CLIC5: variants seen among roughly 807,000 people sequenced by gnomAD.
CLIC5 encodes the protein CLIC family member 5, also known as chloride intracellular channel protein 5.
A neutral mutation model predicts 24.7 loss-of-function variants in CLIC5; 20 were observed. The observed-to-expected ratio is 0.81, with a 90% CI of 0.57 to 1.18. The LOEUF (loss-of-function observed/expected upper bound fraction) is 1.18. Ranked by LOEUF, CLIC5 falls within the 50% of genes most tolerant of loss-of-function variation. CLIC5 has a pLI of 0.00. For missense variants in CLIC5, 341 were observed against 326.1 expected (o/e 1.05, Z -0.35); for synonymous variants, 159 against 135.6 (o/e 1.17, Z -1.20).
At chr6:46,015,970 G>A (rs1047129999), upstream of CLIC5, 11 of 909,012 alleles carry the variant, frequency 1.2e-5, no homozygotes, top group African/African-American at 1.8e-5. Flanking sequence ...GCCGGGCCAC[G>A]GCCCCCCGCC....
At chr6:46,116,616 C>T in the CLIC5 span, among the ~76,000 whole-genome samples, 6 of 152,162 alleles carry the variant, frequency 3.9e-5, no homozygotes, top group Non-Finnish European at 8.8e-5. Context: ...GAAAAATTTA[C>T]CTCAATTTGA....
upstream of CLIC5, among the ~76,000 whole-genome samples, chr6:46,084,563 G>T (rs577318468): frequency 1.4e-4 from 21 of 152,282 alleles, no homozygotes; most frequent in Middle Eastern, 3.4e-3. Flanking sequence ...GAAATTCTGG[G>T]TTGAAAATTC....
chr6:46,013,740 G>A (rs749285723), intron 1 of CLIC5, among the ~76,000 whole-genome samples: 11 of 152,180 alleles, frequency 7.2e-5, no homozygotes, highest in Non-Finnish European at 1.3e-4. Context: ...GTGGGGCAAA[G>A]GGCTCCTTTG....
chr6:45,896,626 G>A (rs1052509400), downstream of CLIC5, among the ~76,000 whole-genome samples: 3 of 152,188 alleles, frequency 2.0e-5, no homozygotes, highest in Non-Finnish European at 4.4e-5. Flanking sequence ...AAGCAGCATA[G>A]GTCACAACAA....
the CLIC5 span, among the ~76,000 whole-genome samples, chr6:46,129,162 T>C: frequency 1.3e-5 from 2 of 152,218 alleles, no homozygotes; most frequent in African/African-American, 4.8e-5. Context: ...GCCTGCATTT[T>C]AACAAGCGGG....
At chr6:45,997,512 G>GAA (rs201284615) in intron 1 of CLIC5, among the ~76,000 whole-genome samples, 3 of 130,254 alleles carry the variant, frequency 2.3e-5, no homozygotes, top group African/African-American at 2.7e-5. Context: ...AATAATAAAA[G>GAA]AAAAAAAAAA....
chr6:45,906,810 C>T (rs1358887657), intron 5 of CLIC5, among the ~76,000 whole-genome samples: 2 of 152,198 alleles, frequency 1.3e-5, no homozygotes, highest in African/African-American at 4.8e-5. Context: ...GATCCGCCTG[C>T]CTCAGCCTCC....
At chr6:46,119,106 G>C in the CLIC5 span, among the ~76,000 whole-genome samples, 2 of 152,186 alleles carry the variant, frequency 1.3e-5, no homozygotes, top group Non-Finnish European at 2.9e-5. Context: ...AATCCAGAAG[G>C]AATGTAGCCC....
chr6:46,040,402 G>T (rs1321525005), intron 1 of CLIC5, among the ~76,000 whole-genome samples: 1 of 152,122 alleles, frequency 6.6e-6, no homozygotes. Context: ...CTTGGTGGTG[G>T]TACAGATAGT....
chr6:45,909,303 G>A (rs1762749550), intron 5 of CLIC5, among the ~76,000 whole-genome samples: 1 of 152,074 alleles, frequency 6.6e-6, no homozygotes, highest in Non-Finnish European at 1.5e-5. Context: ...TGATATGTGA[G>A]GTTTTGATCT....
chr6:46,101,577 CAG>C, the CLIC5 span, among the ~76,000 whole-genome samples: 701 of 152,246 alleles, frequency 4.6e-3, 2 homozygotes, highest in African/African-American at 0.016. Context: ...AAGGTTAAAA[CAG>C]AGGGGATTTC....
chr6:45,972,309 C>T (rs576658350), intron 1 of CLIC5, among the ~76,000 whole-genome samples: 7 of 152,194 alleles, frequency 4.6e-5, no homozygotes, highest in African/African-American at 9.6e-5. Context: ...ACCTACTTCA[C>T]GAGTTCTCTG....
In CLIC5 at chr6:46,054,768, G is replaced by A. The variant is rs531688442; in HGVS notation, c.540+24935C>T. Among the ~76,000 whole-genome samples the A allele has an allele frequency of 1.1e-4, 17 of 152,338 alleles. No homozygotes were observed. The South Asian group carries it at 3.1e-3, about 28-fold the overall frequency. On this transcript the variant is annotated intron_variant, in intron 1 of 5. Transcript: ENST00000185206. Reference sequence around the variant, plus strand: ...TTTCCATGTGGAGATACAGCAAGACGGTGGCTGTCTGCAAGCCAGGAGGAA... The same window carrying A: ...TTTCCATGTGGAGATACAGCAAGACAGTGGCTGTCTGCAAGCCAGGAGGAA...
intron 1 of CLIC5, among the ~76,000 whole-genome samples, chr6:45,960,718 G>A (rs979885746): frequency 1.6e-4 from 25 of 152,144 alleles, no homozygotes; most frequent in South Asian, 6.2e-4. Flanking sequence ...CAAGCCCCAC[G>A]TGTCCTGAAG....
upstream of CLIC5, among the ~76,000 whole-genome samples, chr6:46,019,187 G>A (rs1767102854): frequency 6.6e-6 from 1 of 151,486 alleles, no homozygotes; most frequent in African/African-American, 2.4e-5. Context: ...ATAATAAAAT[G>A]GTACACCTAA....
intron 6 of CLIC5, among the ~76,000 whole-genome samples, chr6:45,885,260 T>C (rs1762295721): frequency 6.6e-6 from 1 of 152,154 alleles, no homozygotes; most frequent in African/African-American, 2.4e-5. Flanking sequence ...TTCTACCATG[T>C]GTGGATACAA....
chr6:46,113,480 G>A, the CLIC5 span, among the ~76,000 whole-genome samples: 1 of 152,098 alleles, frequency 6.6e-6, no homozygotes, highest in African/African-American at 2.4e-5. Context: ...GAAGTCAGGG[G>A]TTTCTTACAG....
chr6:45,894,824 G>C (rs889446355), downstream of CLIC5, among the ~76,000 whole-genome samples: 1 of 152,210 alleles, frequency 6.6e-6, no homozygotes, highest in African/African-American at 2.4e-5. Context: ...CGCACTGTAA[G>C]GTGAGGTCTT....
chr6:46,007,830 A>C (rs1180011013), intron 1 of CLIC5, among the ~76,000 whole-genome samples: 2 of 151,760 alleles, frequency 1.3e-5, no homozygotes, highest in African/African-American at 2.4e-5. Flanking sequence ...CCCTTAAAGC[A>C]AGTCACGCAA....
Sources: allele counts gnomAD v4.1 joint callset (sites outside exome capture counted in the v4.1 genomes callset), GRCh38; gene constraint gnomAD v4.1.1; transcripts MANE v1.5; gene names NCBI Gene and HGNC (gene_info 2026-07-23, HGNC 2026-07-21).